The following ARID1B variants were observed in gnomAD, a reference collection of about 807,000 sequenced individuals.
ARID1B encodes the protein AT-rich interactive domain-containing protein 1B.
In ARID1B, 30 loss-of-function variants were observed where a neutral mutation model predicts 212.3. The ratio of observed to expected loss-of-function variants is 0.14; its 90% confidence interval spans 0.11 to 0.19. ARID1B has a LOEUF of 0.19. Among genes scored for constraint, ARID1B ranks in the 10% least tolerant of loss-of-function variants. The pLI is 1.00. For synonymous variants in ARID1B, 1,402 were observed against 1,301.7 expected (o/e 1.08, Z -1.66); for missense variants, 2,891 against 3,204.0 (o/e 0.90, Z 2.36).
chr6:156,823,151 G>C (rs1782480905), intron 1 of ARID1B, among the ~76,000 whole-genome samples: 1 of 152,226 alleles, frequency 6.6e-6, no homozygotes, highest in South Asian at 2.1e-4. Context: ...CCCGTGTGTA[G>C]TCCGCTGTGT....
rs1794704934 is a variant in ARID1B, at chr6:157,210,560, A to T, written c.*2669A>T. 1 of 232,542 alleles carries T rather than the reference A, an allele frequency of 4.3e-6. No individual in the cohort carries two copies. Among genetic ancestry groups the T allele is most frequent in the Non-Finnish European group, 8.5e-6 (1 of 117,740 alleles). The allele number at this position is 232,542 out of a possible 1,614,324, so 14.4% of individuals were successfully genotyped here. Reference sequence around the variant, plus strand: ...TATTCTCACCCCCGAATCAAGATTTACAGAAGCCCACGAAGAATTTACAGC... The same window carrying T: ...TATTCTCACCCCCGAATCAAGATTTTCAGAAGCCCACGAAGAATTTACAGC... On this transcript the variant is annotated 3_prime_UTR_variant, in exon 20 of 20. Transcript: ENST00000636930.
intron 5 of ARID1B, among the ~76,000 whole-genome samples, chr6:157,100,594 A>G (rs1416035078): frequency 6.6e-6 from 1 of 152,178 alleles, no homozygotes; most frequent in Non-Finnish European, 1.5e-5. Context: ...AATGCCTGAG[A>G]CTAGGACATT....
At position 157,160,983 on chromosome 6, in the gene ARID1B, G is replaced by A. The variant is rs142160186; in HGVS notation, c.3090-6057G>A. 9.4e-3 allele frequency among the ~76,000 whole-genome samples: 1,429 copies of A among 152,300 alleles called. 25 individuals are homozygous for A. The highest frequency in any genetic ancestry group is 0.033 in the African/African-American group (1,353 of 41,558). On this transcript the variant is annotated intron_variant, in intron 8 of 19. Coordinates refer to ENST00000636930, the MANE Select transcript of ARID1B (RefSeq NM_001374828.1). Reference sequence around the variant, plus strand: ...TTCGCACTCGCTGCCCTGGTTGTTTGACTTTGGTTGTGTTTGTTTTTAGTC... The same window carrying A: ...TTCGCACTCGCTGCCCTGGTTGTTTAACTTTGGTTGTGTTTGTTTTTAGTC...
At chr6:157,024,381 A>T (rs1780521888) in intron 4 of ARID1B, 1 of 152,270 alleles carries the variant, frequency 6.6e-6, no homozygotes, top group Admixed American at 6.5e-5. Flanking sequence ...GATTTGTATG[A>T]ACAAAATTGA....
chr6:157,027,118 G>T (rs1364438304), intron 4 of ARID1B, among the ~76,000 whole-genome samples: 1 of 151,660 alleles, frequency 6.6e-6, no homozygotes, highest in East Asian at 1.9e-4. Flanking sequence ...AATCTGAAAA[G>T]AATAAAAAAA....
chr6:156,786,308 C>G (rs1281408968), intron 1 of ARID1B, among the ~76,000 whole-genome samples: 1 of 152,058 alleles, frequency 6.6e-6, no homozygotes, highest in Non-Finnish European at 1.5e-5. Flanking sequence ...TCTCTGCCAC[C>G]AAATTTGTGC....
At chr6:156,972,722 A>T (rs1056292444) in intron 4 of ARID1B, among the ~76,000 whole-genome samples, 7 of 152,204 alleles carry the variant, frequency 4.6e-5, no homozygotes, top group African/African-American at 9.6e-5. Flanking sequence ...TTTTCCAGCC[A>T]GAGAGACCTG....
chr6:157,054,201 G>C (rs1344140870), intron 4 of ARID1B, among the ~76,000 whole-genome samples: 1 of 135,696 alleles, frequency 7.4e-6, no homozygotes, highest in Non-Finnish European at 1.6e-5. Context: ...TCCAGCCTGG[G>C]CCACAGAGCA....
At chr6:157,001,567 A>C (rs1036325136) in intron 4 of ARID1B, among the ~76,000 whole-genome samples, 1 of 152,266 alleles carries the variant, frequency 6.6e-6, no homozygotes, top group Non-Finnish European at 1.5e-5. Context: ...AGAATGCAGC[A>C]GACATTTGTT....
intron 1 of ARID1B, among the ~76,000 whole-genome samples, chr6:156,812,073 G>T (rs1333348925): frequency 6.6e-6 from 1 of 152,234 alleles, no homozygotes; most frequent in Non-Finnish European, 1.5e-5. Flanking sequence ...GAGGGCACAG[G>T]AGGTGCTCAT....
intron 2 of ARID1B, among the ~76,000 whole-genome samples, chr6:156,866,355 A>G (rs1001995037): frequency 2.6e-5 from 4 of 152,150 alleles, no homozygotes; most frequent in African/African-American, 9.7e-5. Flanking sequence ...CCGCCACACT[A>G]TACTCGGAGG....
At chr6:156,994,160 G>C (rs1390594125) in intron 4 of ARID1B, among the ~76,000 whole-genome samples, 1 of 152,152 alleles carries the variant, frequency 6.6e-6, no homozygotes, top group East Asian at 1.9e-4. Flanking sequence ...GGTAGAAATA[G>C]TGACTGATTT....
intron 13 of ARID1B, chr6:157,186,620 A>G (rs749786545): frequency 6.7e-6 from 3 of 450,548 alleles, no homozygotes; most frequent in South Asian, 1.6e-5. Flanking sequence ...ATTCCCAACT[A>G]TTGGCCATGT....
At chr6:157,044,296 A>G (rs1782079398) in intron 4 of ARID1B, among the ~76,000 whole-genome samples, 1 of 152,172 alleles carries the variant, frequency 6.6e-6, no homozygotes. Flanking sequence ...GGTATTTTCA[A>G]CTGTGGAAAA....
intron 4 of ARID1B, among the ~76,000 whole-genome samples, chr6:156,961,899 C>T (rs1203533573): frequency 2.6e-5 from 4 of 152,182 alleles, no homozygotes; most frequent in Non-Finnish European, 5.9e-5. Context: ...CTTCTAATCT[C>T]TTCTAAGTCA....
At chr6:156,966,756 A>G (rs1213458276) in intron 4 of ARID1B, among the ~76,000 whole-genome samples, 3 of 151,638 alleles carry the variant, frequency 2.0e-5, no homozygotes, top group Non-Finnish European at 2.9e-5. Flanking sequence ...GCTGGAGTGC[A>G]GTGGCGCGAT....
chr6:156,838,663 A>G (rs1404482674), intron 2 of ARID1B, among the ~76,000 whole-genome samples: 2 of 151,714 alleles, frequency 1.3e-5, no homozygotes, highest in Admixed American at 6.6e-5. Flanking sequence ...ATGTATACCT[A>G]TGTAACAAAC....
At chr6:157,010,290 T>G (rs1320259905) in intron 4 of ARID1B, among the ~76,000 whole-genome samples, 155 of 135,858 alleles carry the variant, frequency 1.1e-3, no homozygotes, top group South Asian at 2.5e-3. Flanking sequence ...TTTTTTTTTT[T>G]TTTTTTTTTT....
intron 4 of ARID1B, chr6:156,943,199 C>G (rs1268128745): frequency 6.6e-6 from 1 of 151,958 alleles, no homozygotes; most frequent in East Asian, 1.9e-4. Flanking sequence ...TCTTGTTTTC[C>G]TTTGTTTGGG....
Sources: gnomAD v4.1 joint callset for allele counts (sites outside exome capture counted in the v4.1 genomes callset) on GRCh38, gnomAD v4.1.1 for gene constraint, MANE v1.5 for transcripts, NCBI Gene and HGNC (gene_info 2026-07-23, HGNC 2026-07-21) for gene names.